PRR7: variants seen among roughly 807,000 people sequenced by gnomAD.
PRR7 encodes proline rich 7, synaptic, also known as proline-rich protein 7.
Under a neutral mutation model 18.5 loss-of-function variants are expected in PRR7, and 8 were observed. The observed-to-expected ratio is 0.43, with a 90% CI of 0.25 to 0.78. The LOEUF (loss-of-function observed/expected upper bound fraction) is 0.78. PRR7 is among the 30% of genes least tolerant of loss of function. PRR7 has a pLI of 0.22. For missense variants in PRR7, 396 were observed against 403.1 expected, an observed-to-expected ratio of 0.98 and a Z score of 0.15; for synonymous variants, 221 against 187.7, an observed-to-expected ratio of 1.18 and a Z score of -1.45.
rs1756096257 is a variant in PRR7, at chr5:177,449,718, C to A, written c.-325+2758C>A. Among the ~76,000 whole-genome samples the A allele has an allele frequency of 6.6e-6, 1 of 151,910 alleles. No individual in the cohort carries two copies. Among genetic ancestry groups the A allele is most frequent in the South Asian group, 2.1e-4 (1 of 4,798 alleles). On this transcript the variant is annotated intron_variant, in intron 1 of 3. Transcript: ENST00000323249. This position sits in a 1 kb window ranked among gnomAD's most constrained non-coding sequence, Gnocchi z 4.2. ...GGCCTGAGGGAGGGCTCTCCACCTA[C>A]AAGCCCACCGAGGCCTCAGTCTCTG...
chr5:177,450,158 G>T lies in PRR7; in HGVS notation c.-325+3198G>T, dbSNP rs576280208. Among the ~76,000 whole-genome samples, 1 of 152,186 alleles carries T rather than the reference G, an allele frequency of 6.6e-6. No homozygotes were observed. The highest frequency in any genetic ancestry group is 2.1e-4 in the South Asian group (1 of 4,820). On this transcript the variant is annotated intron_variant, in intron 1 of 3. Transcript: ENST00000323249. This position sits in a 1 kb window ranked among gnomAD's most constrained non-coding sequence, Gnocchi z 6.6. ...CATAGAGACCAGTAGTGGGCCTGGC[G>T]TATGCAAGGCACACAGGACAGGCTG...
At chr5:177,451,868 CAT>C (rs777947170) in intron 1 of PRR7, among the ~76,000 whole-genome samples, 18 of 152,350 alleles carry the variant, frequency 1.2e-4, no homozygotes, top group South Asian at 1.0e-3. Context: ...GGGACACACA[CAT>C]GTCTGCATCC....
rs1015639792 is a variant in PRR7, at chr5:177,449,987, C to T, written c.-325+3027C>T. Among the ~76,000 whole-genome samples, 2 of 152,130 alleles carry T rather than the reference C, an allele frequency of 1.3e-5. No individual in the cohort carries two copies. Among genetic ancestry groups the T allele is most frequent in the Admixed American group, 1.3e-4 (2 of 15,270 alleles). Reference sequence around the variant, plus strand: ...GTCACCAGTGGCTCCCTGAAATGCCCTTGCTGCCGGGACCGAGGACTTTGT... The same window carrying T: ...GTCACCAGTGGCTCCCTGAAATGCCTTTGCTGCCGGGACCGAGGACTTTGT... On this transcript the variant is annotated intron_variant, in intron 1 of 3. Coordinates refer to ENST00000323249, the MANE Select transcript of PRR7 (RefSeq NM_030567.5). The surrounding 1 kb of genome is among the most constrained non-coding windows in gnomAD (Gnocchi z 4.2).
At position 177,449,096 on chromosome 5, in the gene PRR7, C is replaced by A. The variant is rs1469365294; in HGVS notation, c.-325+2136C>A. ...TTCAAGATGAACCAGAAATCCAGAC[C>A]TTTATATAAAATCTCCTGGATTTTT... On this transcript the variant is annotated intron_variant, in intron 1 of 3. Transcript: ENST00000323249. The surrounding 1 kb of genome is among the most constrained non-coding windows in gnomAD (Gnocchi z 4.2). 6.6e-6 allele frequency among the ~76,000 whole-genome samples: 1 copy of A among 152,230 alleles called. No individual in the cohort carries two copies. The highest frequency in any genetic ancestry group is 1.5e-5 in the Non-Finnish European group (1 of 68,054).
chr5:177,453,633 C>T (rs936204397), intron 1 of PRR7, among the ~76,000 whole-genome samples: 30 of 152,190 alleles, frequency 2.0e-4, no homozygotes, highest in Admixed American at 7.8e-4. Flanking sequence ...CTCGGGCACG[C>T]GGAGGGTAGG....
At position 177,454,196 on chromosome 5, in the gene PRR7, G is replaced by T. The variant is rs1756283910; in HGVS notation, c.-240+156G>T. Among the ~76,000 whole-genome samples the T allele has an allele frequency of 6.6e-6, 1 of 152,256 alleles. No individual in the cohort carries two copies. The highest frequency in any genetic ancestry group is 6.5e-5 in the Admixed American group (1 of 15,290). ...GGAGTTGGAGCAGGCAGGGCGCCTG[G>T]AGGAAAGGAAGAGAGTGTGGCCCAC... is the stretch of plus-strand genomic sequence containing the variant. On this transcript the variant is annotated intron_variant, in intron 2 of 3. Transcript: ENST00000323249. The surrounding 1 kb of genome is among the most constrained non-coding windows in gnomAD (Gnocchi z 4.7).
chr5:177,455,381 GGCCCGCGCAGCCGCACGC>G lies in PRR7; in HGVS notation c.317_334del (p.Pro106_Ala111del), dbSNP rs1335111339. The stretch of plus-strand genomic sequence containing the variant: ...CACGTGCACCCGCTGCTGCACCACG[GGCCCGCGCAGCCGCACGC>G]GCACGCGCACCCACACCCGCACCAC... On this transcript the variant is annotated inframe_deletion, in exon 3 of 4. Coordinates refer to ENST00000323249, the MANE Select transcript of PRR7 (RefSeq NM_030567.5). The surrounding 1 kb of genome is among the most constrained non-coding windows in gnomAD (Gnocchi z 6.9). The G allele has an allele frequency of 4.0e-6, 6 of 1,493,106 alleles. No homozygotes were observed. The African/African-American group carries it at 4.4e-5, about 11-fold the overall frequency. 92.5% of individuals were successfully genotyped at this position (1,493,106 alleles called of 1,614,324 possible).
rs1756134805 is a variant in PRR7, at chr5:177,450,605, A to T, written c.-324-3351A>T. On this transcript the variant is annotated intron_variant, in intron 1 of 3. Coordinates refer to ENST00000323249, the MANE Select transcript of PRR7 (RefSeq NM_030567.5). The surrounding 1 kb of genome is among the most constrained non-coding windows in gnomAD (Gnocchi z 6.6). ...GCCAATTACTGGGTGCCAGCTGGTAAGGCCGATGGTGCTCGGCCCTGGCCA... is the reference window on the plus strand; with the variant it reads ...GCCAATTACTGGGTGCCAGCTGGTATGGCCGATGGTGCTCGGCCCTGGCCA... Among the ~76,000 whole-genome samples, 1 of 152,192 alleles carries T rather than the reference A, an allele frequency of 6.6e-6. No homozygotes were observed. The highest frequency in any genetic ancestry group is 1.5e-5 in the Non-Finnish European group (1 of 68,028).
At chr5:177,453,548 G>C (rs578203789) in intron 1 of PRR7, among the ~76,000 whole-genome samples, 163 of 152,308 alleles carry the variant, frequency 1.1e-3, no homozygotes, top group Admixed American at 4.7e-3. Context: ...GGAGAAGTGT[G>C]GGGTGGCCAT....
At position 177,454,261 on chromosome 5, in the gene PRR7, G is replaced by A. The variant is rs998927192; in HGVS notation, c.-240+221G>A. On this transcript the variant is annotated intron_variant, in intron 2 of 3. Transcript: ENST00000323249. The surrounding 1 kb of genome is among the most constrained non-coding windows in gnomAD (Gnocchi z 4.7). ...GCTAGGCTCAGACAAAGGCAGGGCCGGTGGCACGCATTACCAGTCGGAGCC... is the reference window on the plus strand; with the variant it reads ...GCTAGGCTCAGACAAAGGCAGGGCCAGTGGCACGCATTACCAGTCGGAGCC... Among the ~76,000 whole-genome samples, 1 of 152,146 alleles carries A rather than the reference G, an allele frequency of 6.6e-6. No individual in the cohort carries two copies. The highest frequency in any genetic ancestry group is 2.4e-5 in the African/African-American group (1 of 41,446).
chr5:177,456,234 C>T lies in PRR7; in HGVS notation c.*113C>T, dbSNP rs897703732. The T allele has an allele frequency of 1.6e-6, 2 of 1,214,668 alleles. No individual in the cohort carries two copies. Among genetic ancestry groups the T allele is most frequent in the Non-Finnish European group, 2.2e-6 (2 of 917,606 alleles). 75.2% of individuals were successfully genotyped at this position (1,214,668 alleles called of 1,614,324 possible). A position where few individuals can be genotyped will look rare whatever the true frequency, so the allele number is the denominator to read the frequency against. On this transcript the variant is annotated 3_prime_UTR_variant, in exon 4 of 4. Coordinates refer to ENST00000323249, the MANE Select transcript of PRR7 (RefSeq NM_030567.5). ...GCGGGGGGAGGGAGGGATTTCTTAT[C>T]CCGTTTGTTACATTTTGAGGATAAT...
intron 1 of PRR7, among the ~76,000 whole-genome samples, chr5:177,452,829 C>T (rs564002814): frequency 1.3e-5 from 2 of 152,360 alleles, no homozygotes; most frequent in Non-Finnish European, 2.9e-5. Context: ...CTCTTGCTAA[C>T]CTGGCGCTGC....
At position 177,455,410 on chromosome 5, in the gene PRR7, C is replaced by T; in HGVS notation, c.343C>T (p.Pro115Ser). ...CGCGCAGCCGCACGCGCACGCGCACCCACACCCGCACCACCACGCGCTCCC... is the reference window on the plus strand; with the variant it reads ...CGCGCAGCCGCACGCGCACGCGCACTCACACCCGCACCACCACGCGCTCCC... ...GPAQPHAHAH[P>S]HPHHHALPHP... Residue 115 changes from proline to serine, a missense_variant, in exon 3 of 4, where the codon CCA (proline) becomes TCA (serine). Pro to Ser is a moderately conservative substitution (Grantham distance 74). Coordinates refer to ENST00000323249, the MANE Select transcript of PRR7 (RefSeq NM_030567.5). The surrounding 1 kb of genome is among the most constrained non-coding windows in gnomAD (Gnocchi z 6.9). The T allele has an allele frequency of 6.7e-7, 1 of 1,502,288 alleles. No individual in the cohort carries two copies. Among genetic ancestry groups the T allele is most frequent in the Non-Finnish European group, 8.8e-7 (1 of 1,132,602 alleles). The allele number at this position is 1,502,288 out of a possible 1,614,324, so 93.1% of individuals were successfully genotyped here. A position where few individuals can be genotyped will look rare whatever the true frequency, so the allele number is the denominator to read the frequency against.
In PRR7 at chr5:177,456,013, C is replaced by T. The variant is rs1228331312; in HGVS notation, c.717C>T (p.Val239=). Residue 239 remains valine, a synonymous_variant, in exon 4 of 4, where the codon GTC becomes GTT. Transcript: ENST00000323249. ...LCLQADRGRR[V]FPSWTDSELS... ...TGCAGGCCGACCGTGGCCGCCGGGT[C>T]TTCCCCAGCTGGACCGACTCAGAGC... 1 of 1,580,696 alleles carries T rather than the reference C, an allele frequency of 6.3e-7. No homozygotes were observed. The highest frequency in any genetic ancestry group is 8.6e-7 in the Non-Finnish European group (1 of 1,168,618).
chr5:177,454,307 G>GGGAGC lies in PRR7; in HGVS notation c.-240+270_-240+274dup, dbSNP rs1756290752. 6.6e-6 allele frequency among the ~76,000 whole-genome samples: 1 copy of GGGAGC among 152,212 alleles called. No individual in the cohort carries two copies. Among genetic ancestry groups the GGGAGC allele is most frequent in the Non-Finnish European group, 1.5e-5 (1 of 68,038 alleles). On this transcript the variant is annotated intron_variant, in intron 2 of 3. Transcript: ENST00000323249. This position sits in a 1 kb window ranked among gnomAD's most constrained non-coding sequence, Gnocchi z 4.7. ...GAGCCACCCGCCTGAGCCCCCCTAC[G>GGGAGC]GGAGCGGCGGGAGACCCGGAGGGCG...
chr5:177,456,132 GGCGCCCCGGGC>G lies in PRR7; in HGVS notation c.*12_*22del. ...ACTACAGCCGTATAGAGGGGCGCCC[GGCGCCCCGGGC>G]CCCACCGGCGGACTCCTGGCCTGAC... On this transcript the variant is annotated 3_prime_UTR_variant, in exon 4 of 4. Transcript: ENST00000323249. 7.0e-7 allele frequency: 1 copy of G among 1,421,574 alleles called. No individual in the cohort carries two copies. Among genetic ancestry groups the G allele is most frequent in the Non-Finnish European group, 9.1e-7 (1 of 1,095,430 alleles). 88.1% of individuals were successfully genotyped at this position (1,421,574 alleles called of 1,614,324 possible).
chr5:177,447,302 CA>C (rs1755943472), intron 1 of PRR7, among the ~76,000 whole-genome samples: 2 of 152,130 alleles, frequency 1.3e-5, no homozygotes, highest in African/African-American at 4.8e-5. Context: ...CCCGGGGGTG[CA>C]GGGGGAGAGG....
At position 177,456,172 on chromosome 5, in the gene PRR7, G is replaced by C. The variant is rs752701730; in HGVS notation, c.*51G>C. The stretch of plus-strand genomic sequence containing the variant: ...ACCGGCGGACTCCTGGCCTGACTGC[G>C]GGGCTTTTTAAATGCTTCCCTGGAC... On this transcript the variant is annotated 3_prime_UTR_variant, in exon 4 of 4. Coordinates refer to ENST00000323249, the MANE Select transcript of PRR7 (RefSeq NM_030567.5). The C allele has an allele frequency of 1.4e-5, 19 of 1,398,310 alleles. No homozygotes were observed. The South Asian group carries it at 2.8e-4, about 21-fold the overall frequency. 86.6% of individuals were successfully genotyped at this position (1,398,310 alleles called of 1,614,324 possible).
At chr5:177,447,028 G>A (rs1254348603) in intron 1 of PRR7, 68 bp downstream of exon 1, 1 of 151,822 alleles carries the variant, frequency 6.6e-6, no homozygotes, top group Admixed American at 6.6e-5. Flanking sequence ...CCAGGACTGA[G>A]CCCTTCCCCG....
Sources: allele counts gnomAD v4.1 joint callset (sites outside exome capture counted in the v4.1 genomes callset), GRCh38; gene constraint gnomAD v4.1.1; non-coding constraint Gnocchi (gnomAD v3.1); transcripts MANE v1.5; gene names NCBI Gene and HGNC (gene_info 2026-07-23, HGNC 2026-07-21).